The following ARHGAP6 variants were observed in gnomAD, a reference collection of about 807,000 sequenced individuals.
ARHGAP6 encodes Rho GTPase activating protein 6, also known as rho GTPase-activating protein 6.
ARHGAP6 carries 16 observed loss-of-function variants against 55.7 expected under a neutral mutation model. The observed-to-expected ratio is 0.29, with a 90% CI of 0.19 to 0.44. The LOEUF (loss-of-function observed/expected upper bound fraction) is 0.44, where lower values mean the gene tolerates loss of function less well. ARHGAP6 is among the 20% of genes least tolerant of loss of function. ARHGAP6 has a pLI of 1.00. For missense variants in ARHGAP6, 698 were observed against 808.9 expected, an observed-to-expected ratio of 0.86 and a Z score of 1.66; for synonymous variants, 382 against 360.9, an observed-to-expected ratio of 1.06 and a Z score of -0.66.
intron 1 of ARHGAP6, among the ~76,000 whole-genome samples, chrX:11,630,397 T>C (rs913046996): frequency 8.9e-6 from 1 of 112,065 alleles, no homozygotes; most frequent in Admixed American, 9.4e-5. Context: ...ATGAAACATA[T>C]AGACATCAAA....
intron 10 of ARHGAP6, among the ~76,000 whole-genome samples, chrX:11,152,649 T>A (rs1157308500): frequency 1.8e-5 from 2 of 111,888 alleles, no homozygotes; most frequent in Non-Finnish European, 3.8e-5. Context: ...AGACTTCAAA[T>A]CACACCTCTT....
At chrX:11,227,135 T>G (rs1393590725) in intron 2 of ARHGAP6, among the ~76,000 whole-genome samples, 3 of 111,905 alleles carry the variant, frequency 2.7e-5, no homozygotes, top group Non-Finnish European at 5.6e-5. Flanking sequence ...GGAAAAGCGT[T>G]TGAAAATAAA....
intron 1 of ARHGAP6, among the ~76,000 whole-genome samples, chrX:11,427,205 A>C (rs1194455871): frequency 9.0e-6 from 1 of 111,428 alleles, no homozygotes; most frequent in African/African-American, 3.3e-5. Context: ...ATCTGACTGA[A>C]GGCTGAATGA....
At chrX:11,653,932 C>T (rs893057121) in intron 1 of ARHGAP6, among the ~76,000 whole-genome samples, 3 of 108,526 alleles carry the variant, frequency 2.8e-5, no homozygotes, top group Non-Finnish European at 5.8e-5. Context: ...AACTGGCGTG[C>T]ATTCTACAAA....
chrX:11,159,258 A>G (rs1043527124), intron 9 of ARHGAP6, among the ~76,000 whole-genome samples: 1 of 111,053 alleles, frequency 9.0e-6, no homozygotes, highest in Non-Finnish European at 1.9e-5. Context: ...GTGGGTGGGG[A>G]TCCACTGGAG....
At chrX:11,552,455 T>C (rs765333098) in intron 1 of ARHGAP6, among the ~76,000 whole-genome samples, 2 of 101,471 alleles carry the variant, frequency 2.0e-5, no homozygotes, top group South Asian at 9.4e-4. Flanking sequence ...GCATGTCAAA[T>C]ATCTGCACTC....
At position 11,538,869 on chromosome X, in the gene ARHGAP6, G is replaced by C. The variant is rs1247277596; in HGVS notation, c.588+125372C>G. ...GTGTGGTTTTTTTTTTTTTTTTTGAGACAGGGTATCGTTCTGTCACCCAGG... is the reference window on the plus strand; with the variant it reads ...GTGTGGTTTTTTTTTTTTTTTTTGACACAGGGTATCGTTCTGTCACCCAGG... On this transcript the variant is annotated intron_variant, in intron 1 of 12. Coordinates refer to ENST00000337414, the MANE Select transcript of ARHGAP6 (RefSeq NM_013427.3). Among the ~76,000 whole-genome samples, 3 of 96,981 alleles carry C rather than the reference G, an allele frequency of 3.1e-5. No individual in the cohort carries two copies. The East Asian group carries it at 1.0e-3, about 33-fold the overall frequency. The allele number at this position is 96,981 out of a possible 115,157, so 84.2% of individuals were successfully genotyped here. A position where few individuals can be genotyped will look rare whatever the true frequency, so the allele number is the denominator to read the frequency against.
At chrX:11,657,026 C>T (rs972985892) in intron 1 of ARHGAP6, among the ~76,000 whole-genome samples, 4 of 112,002 alleles carry the variant, frequency 3.6e-5, no homozygotes, top group Non-Finnish European at 7.5e-5. Flanking sequence ...AGCTGGCATG[C>T]GATAAATATT....
At chrX:11,451,171 C>T (rs2050140387) in intron 1 of ARHGAP6, among the ~76,000 whole-genome samples, 1 of 111,902 alleles carries the variant, frequency 8.9e-6, no homozygotes, top group Admixed American at 9.5e-5. Context: ...GAATTCATTC[C>T]AATACCCTTA....
At chrX:11,533,102 G>T (rs1343580942) in intron 1 of ARHGAP6, among the ~76,000 whole-genome samples, 1 of 111,385 alleles carries the variant, frequency 9.0e-6, no homozygotes, top group Admixed American at 9.5e-5. Flanking sequence ...ACTGAATAAA[G>T]AAGATGAGAA....
In ARHGAP6 at chrX:11,413,966, C is replaced by T. The variant is rs186186206; in HGVS notation, c.589-159259G>A. On this transcript the variant is annotated intron_variant, in intron 1 of 12. Transcript: ENST00000337414. ...GTTTCCCTTAGCGCTATACACATAC[C>T]CAGTTCTGCACATATACTGGTGAAT... Among the ~76,000 whole-genome samples, 875 of 111,378 alleles carry T rather than the reference C, an allele frequency of 7.9e-3. 3 individuals carry two copies. The highest frequency in any genetic ancestry group is 0.028 in the Middle Eastern group (6 of 215).
At chrX:11,324,489 T>C (rs1355336353) in intron 1 of ARHGAP6, among the ~76,000 whole-genome samples, 1 of 106,784 alleles carries the variant, frequency 9.4e-6, no homozygotes, top group Non-Finnish European at 2.0e-5. Flanking sequence ...GGATCACTCC[T>C]CTTATCAAAC....
chrX:11,421,311 C>T (rs1441163683), intron 1 of ARHGAP6, among the ~76,000 whole-genome samples: 2 of 112,407 alleles, frequency 1.8e-5, no homozygotes, highest in African/African-American at 3.2e-5. Context: ...GCACTATTGA[C>T]ATTTGAGGCT....
At chrX:11,369,361 A>G (rs1046916092) in intron 1 of ARHGAP6, among the ~76,000 whole-genome samples, 6 of 111,050 alleles carry the variant, frequency 5.4e-5, no homozygotes, top group Non-Finnish European at 3.8e-5. Flanking sequence ...CAGGTCTGGA[A>G]TGGGGCTCCT....
At chrX:11,456,987 G>A (rs752583408) in intron 1 of ARHGAP6, among the ~76,000 whole-genome samples, 1 of 111,482 alleles carries the variant, frequency 9.0e-6, no homozygotes, top group Non-Finnish European at 1.9e-5. Flanking sequence ...AATCAAACAT[G>A]CAGGACATAA....
chrX:11,395,978 C>T (rs1292597073), intron 1 of ARHGAP6, among the ~76,000 whole-genome samples: 1 of 111,081 alleles, frequency 9.0e-6, no homozygotes, highest in Non-Finnish European at 1.9e-5. Context: ...AAAAAGAGAG[C>T]ATGGCCAAGT....
intron 2 of ARHGAP6, among the ~76,000 whole-genome samples, chrX:11,214,785 A>G (rs1206319650): frequency 1.8e-5 from 2 of 113,123 alleles, no homozygotes; most frequent in Non-Finnish European, 3.8e-5. Context: ...TCTCAAGAGA[A>G]CCGAGGACCC....
intron 1 of ARHGAP6, among the ~76,000 whole-genome samples, chrX:11,305,476 G>A (rs2048228718): frequency 8.9e-6 from 1 of 112,222 alleles, no homozygotes; most frequent in African/African-American, 3.2e-5. Context: ...TTGTTTCTTG[G>A]GAGGTTACAA....
intron 1 of ARHGAP6, among the ~76,000 whole-genome samples, chrX:11,564,539 A>T (rs1043286006): frequency 9.0e-6 from 1 of 110,893 alleles, no homozygotes; most frequent in Admixed American, 9.7e-5. Context: ...TTGATATTTA[A>T]TATTAATTCA....
Sources: gnomAD v4.1 joint callset for allele counts (sites outside exome capture counted in the v4.1 genomes callset) on GRCh38, gnomAD v4.1.1 for gene constraint, MANE v1.5 for transcripts, NCBI Gene and HGNC (gene_info 2026-07-23, HGNC 2026-07-21) for gene names.